Variants in SUCLG2 observed in about 807,000 individuals in gnomAD.
SUCLG2 encodes succinate--CoA ligase [GDP-forming] subunit beta, mitochondrial.
Under a neutral mutation model 47.9 loss-of-function variants are expected in SUCLG2, and 42 were observed. The ratio of observed to expected loss-of-function variants is 0.88; its 90% confidence interval spans 0.69 to 1.14. The LOEUF (loss-of-function observed/expected upper bound fraction) is 1.14. SUCLG2 is among the 50% of genes most tolerant of loss of function. The probability of loss-of-function intolerance (pLI) is 0.00; values close to 1 mark genes in which losing one functional copy is unlikely to be tolerated. For missense variants in SUCLG2, 571 were observed against 525.9 expected, an observed-to-expected ratio of 1.09 and a Z score of -0.84; for synonymous variants, 195 against 197.3, an observed-to-expected ratio of 0.99 and a Z score of 0.10.
At chr3:67,618,534 G>A (rs1298051892) in intron 1 of SUCLG2, among the ~76,000 whole-genome samples, 2 of 152,186 alleles carry the variant, frequency 1.3e-5, no homozygotes, top group Non-Finnish European at 2.9e-5. Flanking sequence ...TAAGTAGCTT[G>A]TCTAAGGCCA....
chr3:67,467,378 G>A (rs1461439432), intron 9 of SUCLG2, among the ~76,000 whole-genome samples: 3 of 152,278 alleles, frequency 2.0e-5, no homozygotes, highest in South Asian at 2.1e-4. Context: ...CAAAGCACAC[G>A]TCATACCTGC....
intron 2 of SUCLG2, among the ~76,000 whole-genome samples, chr3:67,565,001 C>A (rs1707412445): frequency 6.6e-6 from 1 of 151,388 alleles, no homozygotes. Flanking sequence ...AACAACCAAG[C>A]ATACATTAAG....
chr3:67,564,069 T>C (rs2107222310), intron 2 of SUCLG2, among the ~76,000 whole-genome samples: 1 of 151,880 alleles, frequency 6.6e-6, no homozygotes, highest in African/African-American at 2.4e-5. Flanking sequence ...GGGAGAGGGA[T>C]AAAAAGAGAA....
intron 2 of SUCLG2, among the ~76,000 whole-genome samples, chr3:67,600,326 C>G (rs1377449100): frequency 6.6e-6 from 1 of 152,126 alleles, no homozygotes; most frequent in Non-Finnish European, 1.5e-5. Flanking sequence ...AACACTGGCT[C>G]AGTTCAATCC....
intron 10 of SUCLG2, among the ~76,000 whole-genome samples, chr3:67,383,956 T>C (rs907598224): frequency 7.2e-5 from 11 of 152,218 alleles, no homozygotes; most frequent in African/African-American, 1.9e-4. Flanking sequence ...TTTCATGCTT[T>C]CCTTGAATCT....
At chr3:67,374,171 A>G (rs992181045), downstream of SUCLG2, among the ~76,000 whole-genome samples, 1 of 152,212 alleles carries the variant, frequency 6.6e-6, no homozygotes, top group Non-Finnish European at 1.5e-5. Flanking sequence ...AACACAACTA[A>G]GAAGACATTG....
intron 10 of SUCLG2, among the ~76,000 whole-genome samples, chr3:67,385,071 G>A (rs1702233467): frequency 6.6e-6 from 1 of 152,158 alleles, no homozygotes; most frequent in African/African-American, 2.4e-5. Context: ...GTGCTCGCTC[G>A]CTCTTTTTGA....
intron 1 of SUCLG2, among the ~76,000 whole-genome samples, chr3:67,636,422 G>A (rs961473224): frequency 2.0e-5 from 3 of 150,032 alleles, no homozygotes; most frequent in Non-Finnish European, 1.5e-5. Context: ...GCAGGATCTC[G>A]GCTCACTGCA....
At chr3:67,626,598 G>A (rs1700833735) in intron 1 of SUCLG2, among the ~76,000 whole-genome samples, 1 of 152,022 alleles carries the variant, frequency 6.6e-6, no homozygotes, top group Non-Finnish European at 1.5e-5. Flanking sequence ...AAAGTTGAAG[G>A]AGGACATAGC....
Position 67,547,775 on chromosome 3 carries a change from T to C in SUCLG2, c.227-18589A>G, listed in dbSNP as rs75051623. Among the ~76,000 whole-genome samples the C allele has an allele frequency of 9.5e-3, 1,452 of 152,242 alleles. 8 individuals carry two copies. Among genetic ancestry groups the C allele is most frequent in the Non-Finnish European group, 0.016 (1,070 of 67,998 alleles). ...ATGCTACCAAGTCTAACAAAGCAGA[T>C]GCCACCTCTCCTCTGAAGGCCCTTG... On this transcript the variant is annotated intron_variant, in intron 2 of 10. Coordinates refer to ENST00000307227, the MANE Select transcript of SUCLG2 (RefSeq NM_003848.4).
intron 9 of SUCLG2, among the ~76,000 whole-genome samples, chr3:67,423,548 T>C (rs1044640655): frequency 3.9e-5 from 6 of 152,258 alleles, no homozygotes; most frequent in South Asian, 2.1e-4. Flanking sequence ...TTAGGCTCTT[T>C]CTGTGCCTGG....
chr3:67,613,580 A>G (rs1700571391), intron 1 of SUCLG2, among the ~76,000 whole-genome samples: 1 of 152,230 alleles, frequency 6.6e-6, no homozygotes, highest in African/African-American at 2.4e-5. Flanking sequence ...GCCAGGGACC[A>G]GAATAAGGAT....
chr3:67,508,792 CTT>C lies in SUCLG2; in HGVS notation c.757+13_757+14del, dbSNP rs375093108. ...AATACATTCATTTGTTTTCTCAATT[CTT>C]TTTTTTTTTTACCTTGTCCTTCTGG... On this transcript the variant is annotated intron_variant, in intron 7 of 10. Coordinates refer to ENST00000307227, the MANE Select transcript of SUCLG2 (RefSeq NM_003848.4). 6.5e-4 allele frequency: 787 copies of C among 1,216,492 alleles called. No homozygotes were observed. The highest frequency in any genetic ancestry group is 1.3e-3 in the African/African-American group (83 of 65,566). The allele number at this position is 1,216,492 out of a possible 1,614,324, so 75.4% of individuals were successfully genotyped here. A position where few individuals can be genotyped will look rare whatever the true frequency, so the allele number is the denominator to read the frequency against.
chr3:67,614,105 C>A (rs1053566354), intron 1 of SUCLG2, among the ~76,000 whole-genome samples: 2 of 152,066 alleles, frequency 1.3e-5, no homozygotes, highest in African/African-American at 4.8e-5. Flanking sequence ...ATCTTTGCTG[C>A]AGGAGACATG....
chr3:67,504,919 T>C (rs1226485078), intron 7 of SUCLG2, among the ~76,000 whole-genome samples: 2 of 152,210 alleles, frequency 1.3e-5, no homozygotes, highest in Non-Finnish European at 2.9e-5. Context: ...AATGAATGAA[T>C]TGGCACTGCA....
chr3:67,377,952 C>A (rs1256941795), intron 10 of SUCLG2, among the ~76,000 whole-genome samples: 2 of 152,146 alleles, frequency 1.3e-5, no homozygotes, highest in African/African-American at 2.4e-5. Flanking sequence ...TTGCACCCAG[C>A]CAAATCACTT....
intron 9 of SUCLG2, among the ~76,000 whole-genome samples, chr3:67,452,145 AC>A (rs981407012): frequency 1.3e-5 from 2 of 152,208 alleles, no homozygotes; most frequent in African/African-American, 4.8e-5. Flanking sequence ...CAAATAAAAA[AC>A]AAAAACTCTC....
At chr3:67,607,224 T>A (rs1159353711) in intron 2 of SUCLG2, among the ~76,000 whole-genome samples, 1 of 152,216 alleles carries the variant, frequency 6.6e-6, no homozygotes, top group Non-Finnish European at 1.5e-5. Flanking sequence ...ACTAGCCACA[T>A]CAGTCTCTTG....
chr3:67,364,119 G>T (rs1172709799), intron 10 of SUCLG2, among the ~76,000 whole-genome samples: 1 of 152,196 alleles, frequency 6.6e-6, no homozygotes, highest in Non-Finnish European at 1.5e-5. Flanking sequence ...GGACACCACA[G>T]AAGCAACCTG....
Sources: gnomAD v4.1 joint callset for allele counts (sites outside exome capture counted in the v4.1 genomes callset) on GRCh38, gnomAD v4.1.1 for gene constraint, MANE v1.5 for transcripts, NCBI Gene and HGNC (gene_info 2026-07-23, HGNC 2026-07-21) for gene names.